Variants in TMEM255A observed in about 807,000 individuals in gnomAD.
TMEM255A encodes the protein transmembrane protein 255A.
TMEM255A carries 14 observed loss-of-function variants against 23.5 expected under a neutral mutation model. That is an observed-to-expected ratio of 0.60 (90% CI 0.39 to 0.93). TMEM255A has a LOEUF of 0.93. TMEM255A is among the 40% of genes least tolerant of loss of function. The pLI is 0.00. For synonymous variants in TMEM255A, 104 were observed against 100.3 expected (o/e 1.04, Z -0.22); for missense variants, 233 against 261.7 (o/e 0.89, Z 0.76).
the TMEM255A span, among the ~76,000 whole-genome samples, chrX:120,252,311 C>T: frequency 9.1e-6 from 1 of 109,903 alleles, no homozygotes; most frequent in African/African-American, 3.3e-5. Flanking sequence ...ATATAATATC[C>T]ATATATTAAA....
chrX:120,295,394 T>C (rs1271940438), intron 2 of TMEM255A, among the ~76,000 whole-genome samples: 5 of 110,553 alleles, frequency 4.5e-5, no homozygotes. Flanking sequence ...GTAGGGGGAC[T>C]GGGTGGCTGT....
At chrX:120,303,668 C>G (rs2058046848) in intron 2 of TMEM255A, among the ~76,000 whole-genome samples, 1 of 108,989 alleles carries the variant, frequency 9.2e-6, no homozygotes, top group African/African-American at 3.4e-5. Flanking sequence ...TCACAATTAT[C>G]TAGTGGGCCA....
At chrX:120,254,331 A>G, downstream of TMEM255A, 1 of 1,212,009 alleles carries the variant, frequency 8.3e-7, no homozygotes, top group South Asian at 1.8e-5. Flanking sequence ...GCCCTCTTCA[A>G]TCAATTTACT....
downstream of TMEM255A, chrX:120,255,149 T>G (rs781811901): frequency 8.3e-7 from 1 of 1,212,110 alleles, no homozygotes; most frequent in African/African-American, 1.7e-5. Flanking sequence ...AAGATCCTTC[T>G]GGGGACTCAA....
At chrX:120,254,362 C>G (rs1335975989), downstream of TMEM255A, 14 of 1,209,510 alleles carry the variant, frequency 1.2e-5, no homozygotes, top group African/African-American at 1.8e-5. Flanking sequence ...CAGCAGACAC[C>G]AAACAGTGCT....
intron 6 of TMEM255A, among the ~76,000 whole-genome samples, chrX:120,278,749 T>C (rs2057817547): frequency 8.9e-6 from 1 of 112,388 alleles, no homozygotes; most frequent in South Asian, 3.7e-4. Flanking sequence ...ATCTCCAAAA[T>C]GAATCAGAGA....
At chrX:120,254,175 A>C, downstream of TMEM255A, 2 of 1,211,935 alleles carry the variant, frequency 1.7e-6, no homozygotes, top group Non-Finnish European at 1.1e-6. Context: ...TACTCCTGTG[A>C]ATCAGGCAAC....
At chrX:120,256,647 GAC>G (rs782458296), downstream of TMEM255A, 244 of 122,884 alleles carry the variant, frequency 2.0e-3, 3 homozygotes, top group Non-Finnish European at 1.3e-4. Context: ...TTTTAAAAAT[GAC>G]ACATATTTAA....
intron 3 of TMEM255A, among the ~76,000 whole-genome samples, chrX:120,293,369 A>G (rs1336468450): frequency 8.8e-6 from 1 of 113,425 alleles, no homozygotes; most frequent in Non-Finnish European, 1.9e-5. Flanking sequence ...CTGTTAAGAC[A>G]TAGAAGCTTC....
chrX:120,254,125 C>T (rs1556014857), downstream of TMEM255A: 12 of 1,209,244 alleles, frequency 9.9e-6, no homozygotes, highest in South Asian at 1.8e-5. Flanking sequence ...AGCAATAACT[C>T]GCCCCCTTTA....
At chrX:120,270,885 A>G (rs782199839) in intron 7 of TMEM255A, among the ~76,000 whole-genome samples, 1 of 111,421 alleles carries the variant, frequency 9.0e-6, no homozygotes, top group Non-Finnish European at 1.9e-5. Context: ...TAGGCCAAGG[A>G]TTGTACTTAG....
chrX:120,266,098 G>A (rs1050043008), intron 8 of TMEM255A, among the ~76,000 whole-genome samples: 3 of 106,971 alleles, frequency 2.8e-5, no homozygotes, highest in African/African-American at 1.0e-4. Flanking sequence ...AGGTTGCAGT[G>A]AGCCAAGATT....
At chrX:120,303,127 TAG>T (rs1556026324) in intron 2 of TMEM255A, among the ~76,000 whole-genome samples, 16 of 111,765 alleles carry the variant, frequency 1.4e-4, no homozygotes, top group African/African-American at 5.2e-4. Context: ...AGACTCAAAT[TAG>T]GTTTTGGTTT....
At chrX:120,294,335 G>A (rs1031871465) in intron 2 of TMEM255A, among the ~76,000 whole-genome samples, 65 of 106,431 alleles carry the variant, frequency 6.1e-4, no homozygotes, top group African/African-American at 2.1e-3. Context: ...TTGGGAGGCT[G>A]AGGCAGGAGA....
At chrX:120,289,646 A>G (rs1397495194) in intron 4 of TMEM255A, among the ~76,000 whole-genome samples, 1 of 112,139 alleles carries the variant, frequency 8.9e-6, no homozygotes, top group Non-Finnish European at 1.9e-5. Context: ...TTACTATATG[A>G]TCCAGCAGTT....
intron 8 of TMEM255A, among the ~76,000 whole-genome samples, chrX:120,265,718 A>G (rs1556017464): frequency 8.9e-6 from 1 of 112,086 alleles, no homozygotes. Flanking sequence ...TGATTCAGTC[A>G]TCTTATCTTA....
At chrX:120,255,122 A>G (rs782607906), downstream of TMEM255A, 30 of 1,212,201 alleles carry the variant, frequency 2.5e-5, no homozygotes, top group Non-Finnish European at 3.0e-5. Flanking sequence ...CTTCACATAT[A>G]AAGTCAGTTC....
chrX:120,294,135 G>A, intron 2 of TMEM255A, 84 bp from the exon 3 acceptor site: 1 of 783,507 alleles, frequency 1.3e-6, no homozygotes, highest in Non-Finnish European at 1.8e-6. Flanking sequence ...ATATGATTCA[G>A]GATAAAAGAA....
At chrX:120,301,799 T>C (rs2058035101) in intron 2 of TMEM255A, among the ~76,000 whole-genome samples, 1 of 111,440 alleles carries the variant, frequency 9.0e-6, no homozygotes. Flanking sequence ...GGAGTTTCTA[T>C]AGTAACTCCC....
Sources: gnomAD v4.1 joint callset for allele counts (sites outside exome capture counted in the v4.1 genomes callset) on GRCh38, gnomAD v4.1.1 for gene constraint, MANE v1.5 for transcripts, NCBI Gene and HGNC (gene_info 2026-07-23, HGNC 2026-07-21) for gene names.